The following MALRD1 variants were observed in gnomAD, a reference collection of about 807,000 sequenced individuals.
MALRD1 encodes MAM and LDL-receptor class A domain-containing protein 1.
A neutral mutation model predicts 242.1 loss-of-function variants in MALRD1; 247 were observed. That is an observed-to-expected ratio of 1.02 (90% CI 0.92 to 1.13). MALRD1 has a LOEUF of 1.13. MALRD1 is among the 50% of genes most tolerant of loss of function. The pLI is 0.00. For missense variants in MALRD1, 2,989 were observed against 2,533.1 expected (o/e 1.18, Z -3.86); for synonymous variants, 995 against 866.6 (o/e 1.15, Z -2.60).
intron 31 of MALRD1, among the ~76,000 whole-genome samples, chr10:19,519,855 T>C (rs1439511909): frequency 6.6e-6 from 1 of 152,220 alleles, no homozygotes; most frequent in Non-Finnish European, 1.5e-5. Flanking sequence ...AACAAAAGAC[T>C]ATTAAACGGT....
intron 32 of MALRD1, among the ~76,000 whole-genome samples, chr10:19,538,218 A>G (rs868738061): frequency 5.9e-5 from 9 of 152,338 alleles, no homozygotes; most frequent in Non-Finnish European, 1.0e-4. Context: ...AGGGCTGCAT[A>G]AAGAAAATAT....
At chr10:19,230,007 T>C (rs1837980088) in intron 18 of MALRD1, among the ~76,000 whole-genome samples, 1 of 152,072 alleles carries the variant, frequency 6.6e-6, no homozygotes, top group Admixed American at 6.6e-5. Flanking sequence ...ACTGTTCTAG[T>C]GGTAGTGAAT....
At position 19,190,536 on chromosome 10, in the gene MALRD1, TCAAAACTTATTA is replaced by T. The variant is rs570246412; in HGVS notation, c.1952-13184_1952-13173del. 5.3e-3 allele frequency among the ~76,000 whole-genome samples: 802 copies of T among 152,134 alleles called. 7 individuals are homozygous for T. Among genetic ancestry groups the T allele is most frequent in the Non-Finnish European group, 7.4e-3 (503 of 67,950 alleles). On this transcript the variant is annotated intron_variant, in intron 14 of 39. Coordinates refer to ENST00000454679, the MANE Select transcript of MALRD1 (RefSeq NM_001142308.3). ...GTTGGAGGACACACACACCCTGATT[TCAAAACTTATTA>T]CAAAACTACAGTAAACAAAACAGTA...
intron 28 of MALRD1, among the ~76,000 whole-genome samples, chr10:19,407,675 G>A (rs1043959115): frequency 2.0e-5 from 3 of 152,088 alleles, no homozygotes; most frequent in Non-Finnish European, 2.9e-5. Flanking sequence ...CAAATGTTGA[G>A]CAAAAGTTAA....
intron 39 of MALRD1, among the ~76,000 whole-genome samples, chr10:19,732,492 A>G (rs954495072): frequency 2.6e-5 from 4 of 152,050 alleles, no homozygotes; most frequent in Non-Finnish European, 5.9e-5. Flanking sequence ...CAAACTCCTG[A>G]CCTTAGGTGA....
intron 5 of MALRD1, among the ~76,000 whole-genome samples, chr10:19,106,921 T>C (rs982297248): frequency 3.3e-5 from 5 of 151,996 alleles, no homozygotes; most frequent in South Asian, 2.1e-4. Flanking sequence ...TTAATTTTCA[T>C]GTATTTGTAT....
At chr10:19,080,665 C>G (rs997215755) in intron 2 of MALRD1, among the ~76,000 whole-genome samples, 2 of 151,914 alleles carry the variant, frequency 1.3e-5, no homozygotes, top group Non-Finnish European at 2.9e-5. Context: ...TATAAACATT[C>G]TAGAAGGAAA....
chr10:19,078,177 T>G (rs1835376033), intron 2 of MALRD1, among the ~76,000 whole-genome samples: 1 of 151,916 alleles, frequency 6.6e-6, no homozygotes, highest in African/African-American at 2.4e-5. Context: ...ATACTTTAAG[T>G]TCTAGGGTAC....
intron 32 of MALRD1, among the ~76,000 whole-genome samples, chr10:19,552,157 C>G (rs981602320): frequency 6.6e-6 from 1 of 151,946 alleles, no homozygotes; most frequent in Non-Finnish European, 1.5e-5. Context: ...TATAGTTTCT[C>G]TAGGAATGGT....
At chr10:19,160,984 C>G (rs1275786315) in intron 12 of MALRD1, among the ~76,000 whole-genome samples, 1 of 151,574 alleles carries the variant, frequency 6.6e-6, no homozygotes, top group African/African-American at 2.4e-5. Context: ...CTGATTTGAC[C>G]CAGCCATCCC....
chr10:19,177,804 A>G (rs900062833), intron 14 of MALRD1, among the ~76,000 whole-genome samples: 1 of 152,298 alleles, frequency 6.6e-6, no homozygotes, highest in East Asian at 1.9e-4. Flanking sequence ...AACTTAGCAA[A>G]GCCTCTGTGT....
chr10:19,608,685 A>C (rs968891102), intron 35 of MALRD1, among the ~76,000 whole-genome samples: 4 of 152,120 alleles, frequency 2.6e-5, no homozygotes, highest in Non-Finnish European at 4.4e-5. Context: ...GTATCTTTCA[A>C]GAGAGGAAAA....
chr10:19,209,138 A>T, intron 17 of MALRD1, 130 bp from the exon 18 acceptor site: 1 of 793,438 alleles, frequency 1.3e-6, no homozygotes, highest in Non-Finnish European at 1.8e-6. Context: ...GTTGGATTTT[A>T]AAAATAAAAT....
chr10:19,062,065 T>C (rs1196134692), intron 1 of MALRD1, among the ~76,000 whole-genome samples: 4 of 151,492 alleles, frequency 2.6e-5, no homozygotes, highest in Non-Finnish European at 4.4e-5. Flanking sequence ...GAACGACAGC[T>C]CAACAACAAC....
At chr10:19,491,788 C>G (rs773184224) in intron 30 of MALRD1, 143 bp downstream of exon 30, 90 of 868,712 alleles carry the variant, frequency 1.0e-4, no homozygotes, top group Non-Finnish European at 1.4e-4. Context: ...AATATTTCCC[C>G]AAATTTGTAT....
At chr10:19,101,124 A>G (rs888595406) in intron 4 of MALRD1, among the ~76,000 whole-genome samples, 8 of 151,434 alleles carry the variant, frequency 5.3e-5, no homozygotes, top group African/African-American at 1.7e-4. Context: ...GTAAGCTATC[A>G]TTTTATCATT....
chr10:19,291,339 A>T (rs952292842), intron 21 of MALRD1: 1 of 152,080 alleles, frequency 6.6e-6, no homozygotes, highest in African/African-American at 2.4e-5. Flanking sequence ...TTATATATAA[A>T]TTTGCTTATA....
intron 32 of MALRD1, among the ~76,000 whole-genome samples, chr10:19,545,905 T>C (rs1248676383): frequency 6.6e-6 from 1 of 152,210 alleles, no homozygotes; most frequent in Non-Finnish European, 1.5e-5. Context: ...CTATTCAGTC[T>C]ATCTGTGAGG....
intron 31 of MALRD1, among the ~76,000 whole-genome samples, chr10:19,504,281 C>T (rs921492467): frequency 1.3e-5 from 2 of 152,150 alleles, no homozygotes; most frequent in African/African-American, 4.8e-5. Flanking sequence ...GATCCGAATC[C>T]AAGCCCTTTT....
Sources: allele counts gnomAD v4.1 joint callset (sites outside exome capture counted in the v4.1 genomes callset), GRCh38; gene constraint gnomAD v4.1.1; transcripts MANE v1.5; gene names NCBI Gene and HGNC (gene_info 2026-07-23, HGNC 2026-07-21).